Variants in SLC4A5 observed in about 807,000 individuals in gnomAD.
SLC4A5 encodes the protein electrogenic sodium bicarbonate cotransporter 4.
In SLC4A5, 96 loss-of-function variants were observed where a neutral mutation model predicts 120.4. The observed-to-expected ratio is 0.80, with a 90% CI of 0.68 to 0.94. The LOEUF (loss-of-function observed/expected upper bound fraction) is 0.94, where lower values mean the gene tolerates loss of function less well. Ranked by LOEUF, SLC4A5 falls within the 40% of genes least tolerant of loss-of-function variation. The pLI is 0.00. For synonymous variants in SLC4A5, 550 were observed against 571.1 expected (o/e 0.96, Z 0.53); for missense variants, 1,259 against 1,459.5 (o/e 0.86, Z 2.24).
In SLC4A5 at chr2:74,252,877, T is replaced by A. The variant is rs148938263; in HGVS notation, c.1268+97A>T. On this transcript the variant is annotated intron_variant, in intron 15 of 30. Transcript: ENST00000394019. Reference sequence around the variant, plus strand: ...TGTTGAGATTACAGGCATGAGCCACTATGCTGAGCCTCAGATGTATTTTAA... The same window carrying A: ...TGTTGAGATTACAGGCATGAGCCACAATGCTGAGCCTCAGATGTATTTTAA... 24 of 1,430,768 alleles carry A rather than the reference T, an allele frequency of 1.7e-5. No homozygotes were observed. In the African/African-American group the frequency reaches 2.8e-4, roughly 17 times the overall value. The allele number at this position is 1,430,768 out of a possible 1,614,324, so 88.6% of individuals were successfully genotyped here. A position where few individuals can be genotyped will look rare whatever the true frequency, so the allele number is the denominator to read the frequency against.
chr2:74,239,266 A>G, intron 21 of SLC4A5, 69 bp downstream of exon 21: 1 of 1,493,732 alleles, frequency 6.7e-7, no homozygotes, highest in Non-Finnish European at 9.3e-7. Context: ...TCGGTGGACC[A>G]GAACCCTCTC....
At chr2:74,302,415 G>C (rs1196921459) in intron 7 of SLC4A5, among the ~76,000 whole-genome samples, 2 of 152,114 alleles carry the variant, frequency 1.3e-5, no homozygotes, top group Non-Finnish European at 2.9e-5. Flanking sequence ...TCAGGAGTTC[G>C]AGACCAGCCT....
At chr2:74,226,613 G>A (rs1200294136) in intron 27 of SLC4A5, among the ~76,000 whole-genome samples, 1 of 152,072 alleles carries the variant, frequency 6.6e-6, no homozygotes, top group East Asian at 1.9e-4. Flanking sequence ...AGTACGCATC[G>A]ACTTCTGAGA....
chr2:74,265,295 C>T (rs1671267910), intron 8 of SLC4A5, 31 bp from the exon 9 acceptor site: 1 of 1,604,172 alleles, frequency 6.2e-7, no homozygotes, highest in Non-Finnish European at 8.5e-7. Context: ...CTCAGTGTGG[C>T]CAGGGCCCTC....
intron 2 of SLC4A5, among the ~76,000 whole-genome samples, chr2:74,341,986 C>A (rs1048324323): frequency 1.3e-5 from 2 of 152,206 alleles, no homozygotes; most frequent in African/African-American, 4.8e-5. Context: ...TACAGGGCTC[C>A]TGTCCTCAAA....
intron 4 of SLC4A5, among the ~76,000 whole-genome samples, chr2:74,330,982 C>T (rs1279167615): frequency 7.5e-6 from 1 of 132,646 alleles, no homozygotes; most frequent in Non-Finnish European, 1.6e-5. Flanking sequence ...GTGGTGAGGT[C>T]TAGATGGAGG....
chr2:74,224,268 G>C (rs1268936263), intron 28 of SLC4A5, among the ~76,000 whole-genome samples: 3 of 152,178 alleles, frequency 2.0e-5, no homozygotes, highest in Non-Finnish European at 4.4e-5. Context: ...TGGGAGAAGA[G>C]GGGCAGATGG....
At chr2:74,340,276 T>C (rs1488239147) in intron 2 of SLC4A5, among the ~76,000 whole-genome samples, 1 of 152,248 alleles carries the variant, frequency 6.6e-6, no homozygotes, top group East Asian at 1.9e-4. Context: ...ATGTTAAATG[T>C]AGATTAATCA....
chr2:74,262,438 G>A (rs6725638), intron 10 of SLC4A5, among the ~76,000 whole-genome samples: 12,450 of 148,536 alleles, frequency 0.084, 1,101 homozygotes, highest in East Asian at 0.39. Context: ...GATGGCTCAC[G>A]CCTGTAATCC....
chr2:74,315,952 T>C (rs1002848782), intron 5 of SLC4A5, among the ~76,000 whole-genome samples: 3 of 152,134 alleles, frequency 2.0e-5, no homozygotes, highest in Non-Finnish European at 2.9e-5. Flanking sequence ...ATAATAAGAA[T>C]AGTTAACATT....
intron 30 of SLC4A5, among the ~76,000 whole-genome samples, chr2:74,220,841 CT>C (rs60945273): frequency 0.19 from 22,468 of 117,248 alleles, 2,617 homozygotes; most frequent in East Asian, 0.42. Flanking sequence ...TATTTCCTTT[CT>C]TTTTTTTTTT....
At chr2:74,250,895 C>T (rs954533819) in intron 16 of SLC4A5, 20 of 183,528 alleles carry the variant, frequency 1.1e-4, no homozygotes, top group Admixed American at 9.7e-4. Context: ...GTCTAACTTT[C>T]GGTGACAGAA....
At chr2:74,273,049 A>C (rs1183008811) in intron 8 of SLC4A5, among the ~76,000 whole-genome samples, 3 of 152,198 alleles carry the variant, frequency 2.0e-5, no homozygotes, top group Admixed American at 2.0e-4. Context: ...CTTTTTACAA[A>C]TTCTAAAACC....
intron 6 of SLC4A5, among the ~76,000 whole-genome samples, chr2:74,305,991 C>T (rs539933453): frequency 5.3e-5 from 8 of 152,006 alleles, no homozygotes; most frequent in Admixed American, 6.6e-5. Flanking sequence ...CCCAAAGTGC[C>T]GGTATTATAG....
chr2:74,244,804 GT>G (rs1362369138), intron 19 of SLC4A5, among the ~76,000 whole-genome samples: 1 of 152,162 alleles, frequency 6.6e-6, no homozygotes, highest in Non-Finnish European at 1.5e-5. Context: ...TTTCTAACAA[GT>G]TCCCTGATGC....
chr2:74,265,356 C>T, intron 8 of SLC4A5, 92 bp from the exon 9 acceptor site: 1 of 1,466,518 alleles, frequency 6.8e-7, no homozygotes, highest in Non-Finnish European at 9.3e-7. Context: ...CATGTGGGTT[C>T]ATGCTATGTA....
chr2:74,258,346 G>A (rs561816818), intron 12 of SLC4A5, among the ~76,000 whole-genome samples: 21 of 152,316 alleles, frequency 1.4e-4, no homozygotes, highest in Admixed American at 1.3e-3. Context: ...AGATGCTGGC[G>A]CTAGGTGATG....
At position 74,255,883 on chromosome 2, in the gene SLC4A5, T is replaced by C. The variant is rs779801204; in HGVS notation, c.917A>G (p.Asn306Ser). 8.7e-6 allele frequency: 14 copies of C among 1,614,048 alleles called. No individual in the cohort carries two copies. Among genetic ancestry groups the C allele is most frequent in the Admixed American group, 5.0e-5 (3 of 60,010 alleles). ...GAAGTCCACCTCGCCCACGAGCACGTTGGACGCTTCTGAGTCCTTGGGGAT... is the reference window on the plus strand; with the variant it reads ...GAAGTCCACCTCGCCCACGAGCACGCTGGACGCTTCTGAGTCCTTGGGGAT... Residue 306 changes from asparagine to serine, a missense_variant, in exon 13 of 31, where the codon AAC (asparagine) becomes AGC (serine). By Grantham distance (46) the Asn-to-Ser change is conservative (BLOSUM62 1). Transcript: ENST00000394019. The surrounding 1 kb of genome is among the most constrained non-coding windows in gnomAD (Gnocchi z 4.0).
intron 26 of SLC4A5, chr2:74,227,382 G>T: frequency 7.6e-7 from 1 of 1,312,522 alleles, no homozygotes; most frequent in African/African-American, 1.5e-5. Context: ...TCCATATTCA[G>T]GGAAAGTGCA....
Sources: gnomAD v4.1 joint callset for allele counts (sites outside exome capture counted in the v4.1 genomes callset) on GRCh38, gnomAD v4.1.1 for gene constraint, Gnocchi (gnomAD v3.1) non-coding constraint, MANE v1.5 for transcripts, NCBI Gene and HGNC (gene_info 2026-07-23, HGNC 2026-07-21) for gene names.